ENPP6: variants seen among roughly 807,000 people sequenced by gnomAD.
ENPP6 encodes the protein glycerophosphocholine cholinephosphodiesterase ENPP6.
Under a neutral mutation model 42.0 loss-of-function variants are expected in ENPP6, and 32 were observed. The ratio of observed to expected loss-of-function variants is 0.76; its 90% CI spans 0.58 to 1.02. The LOEUF is 1.02. ENPP6 is among the 50% of genes least tolerant of loss of function. The pLI, the probability that ENPP6 is intolerant of heterozygous loss-of-function variation, is 0.00. For missense variants in ENPP6, 552 were observed against 566.8 expected (o/e 0.97, Z 0.27); for synonymous variants, 213 against 216.0 (o/e 0.99, Z 0.12).
Position 184,122,555 on chromosome 4 carries a change from G to A in ENPP6, c.533+1606C>T, listed in dbSNP as rs73003742. Among the ~76,000 whole-genome samples, 1,449 of 152,244 alleles carry A rather than the reference G, an allele frequency of 9.5e-3. 24 individuals carry two copies. Among genetic ancestry groups the A allele is most frequent in the African/African-American group, 0.032 (1,335 of 41,530 alleles). ...TGCATGCTGGTGTCTCTCAGGACAG[G>A]GAAGTCTGCTTAGACTGGCCGGTGC... On this transcript the variant is annotated intron_variant, in intron 3 of 7. Coordinates refer to ENST00000296741, the MANE Select transcript of ENPP6 (RefSeq NM_153343.4).
chr4:184,143,329 C>T (rs1736853489), intron 2 of ENPP6, among the ~76,000 whole-genome samples: 7 of 152,342 alleles, frequency 4.6e-5, no homozygotes, highest in Middle Eastern at 3.4e-3. Flanking sequence ...CTCATGGTCT[C>T]CCAGCCTTCT....
At chr4:184,193,334 G>A (rs1252818877) in intron 1 of ENPP6, among the ~76,000 whole-genome samples, 1 of 152,172 alleles carries the variant, frequency 6.6e-6, no homozygotes, top group African/African-American at 2.4e-5. Flanking sequence ...CAACATGAAC[G>A]AACCTCAGAA....
chr4:184,112,921 C>A, intron 5 of ENPP6, 112 bp from the exon 6 acceptor site: 1 of 1,210,750 alleles, frequency 8.3e-7, no homozygotes, highest in Non-Finnish European at 1.1e-6. Flanking sequence ...AAGAAATTGC[C>A]AAATACTTGA....
intron 1 of ENPP6, among the ~76,000 whole-genome samples, chr4:184,179,524 T>A (rs1403783218): frequency 6.6e-6 from 1 of 152,226 alleles, no homozygotes; most frequent in African/African-American, 2.4e-5. Context: ...CTGATAGATA[T>A]CTACAGAACT....
intron 6 of ENPP6, among the ~76,000 whole-genome samples, chr4:184,100,091 A>C (rs1395112438): frequency 6.6e-6 from 1 of 152,270 alleles, no homozygotes; most frequent in East Asian, 1.9e-4. Context: ...GGATCTTTCT[A>C]GTCGTAGGTA....
chr4:184,091,353 T>G lies in ENPP6; in HGVS notation c.1147A>C (p.Ile383Leu). The G allele has an allele frequency of 1.2e-6, 2 of 1,611,176 alleles. No homozygotes were observed. Among genetic ancestry groups the G allele is most frequent in the Non-Finnish European group, 1.7e-6 (2 of 1,179,124 alleles). The change falls in exon 8 of 8, where the codon ATC becomes CTC. Residue 383 changes from isoleucine to leucine, a missense_variant. Ile to Leu is a conservative substitution (Grantham distance 5). Transcript: ENST00000296741. The part of the protein sequence containing the change: ...DFKSNFRAAP[I>L]RSVDVYNVMC... The stretch of plus-strand genomic sequence containing the variant: ...ACATTGTAGACGTCCACCGACCTGA[T>G]AGGAGCAGCTCTGAAGTTGGATTTG...
At chr4:184,131,253 TCTTTC>T (rs1736622339) in intron 2 of ENPP6, among the ~76,000 whole-genome samples, 1 of 21,060 alleles carries the variant, frequency 4.7e-5, no homozygotes, top group South Asian at 1.4e-3. Context: ...TCTTTCTTTC[TCTTTC>T]TCTTCCTTCC....
At chr4:184,102,129 T>C (rs1006526126) in intron 6 of ENPP6, among the ~76,000 whole-genome samples, 2 of 152,164 alleles carry the variant, frequency 1.3e-5, no homozygotes, top group African/African-American at 4.8e-5. Context: ...GAAAAGAAAA[T>C]GCAACATTTG....
intron 5 of ENPP6, 123 bp downstream of exon 5, chr4:184,116,733 C>CA (rs1736319593): frequency 5.1e-6 from 7 of 1,368,688 alleles, no homozygotes; most frequent in Middle Eastern, 5.4e-4. Flanking sequence ...AACTCTGCCT[C>CA]AAAAAAAGAA....
intron 3 of ENPP6, among the ~76,000 whole-genome samples, chr4:184,118,248 T>C (rs974502208): frequency 6.6e-5 from 10 of 152,240 alleles, no homozygotes; most frequent in African/African-American, 2.4e-4. Context: ...TCACACAGTA[T>C]GGCATCTGTT....
At chr4:184,138,177 C>T (rs1338264406) in intron 2 of ENPP6, among the ~76,000 whole-genome samples, 1 of 152,150 alleles carries the variant, frequency 6.6e-6, no homozygotes, top group Non-Finnish European at 1.5e-5. Context: ...TGACTGATTT[C>T]TAGAATGAGA....
At chr4:184,120,409 T>G (rs758921624) in intron 3 of ENPP6, among the ~76,000 whole-genome samples, 44 of 152,196 alleles carry the variant, frequency 2.9e-4, no homozygotes, top group Non-Finnish European at 5.9e-4. Context: ...CCTATGGCTG[T>G]GCCCACTGTT....
intron 2 of ENPP6, among the ~76,000 whole-genome samples, chr4:184,147,565 G>A (rs925267253): frequency 1.3e-5 from 2 of 152,162 alleles, no homozygotes; most frequent in African/African-American, 4.8e-5. Context: ...AGGATTGCTT[G>A]AGTACGGGAT....
chr4:184,174,013 A>G (rs1737520371), intron 1 of ENPP6, among the ~76,000 whole-genome samples: 1 of 152,196 alleles, frequency 6.6e-6, no homozygotes. Flanking sequence ...AGAGGGTCTC[A>G]GACTCTAGAG....
At chr4:184,153,896 C>G (rs1407810976) in intron 1 of ENPP6, among the ~76,000 whole-genome samples, 163 bp from the exon 2 acceptor site, 1 of 151,646 alleles carries the variant, frequency 6.6e-6, no homozygotes, top group Non-Finnish European at 1.5e-5. Context: ...TTTTCTTAAG[C>G]TGTGCCATGA....
At chr4:184,114,795 A>T (rs895763354) in intron 5 of ENPP6, among the ~76,000 whole-genome samples, 4 of 151,996 alleles carry the variant, frequency 2.6e-5, no homozygotes, top group Admixed American at 2.6e-4. Context: ...AAAAGAAAAA[A>T]CCCAGAATGT....
intron 1 of ENPP6, among the ~76,000 whole-genome samples, chr4:184,188,260 A>T (rs1451619652): frequency 6.6e-6 from 1 of 152,184 alleles, no homozygotes; most frequent in Non-Finnish European, 1.5e-5. Context: ...AGCCTTTCCC[A>T]GTCGTTTCTC....
At chr4:184,174,484 A>G (rs1458838769) in intron 1 of ENPP6, among the ~76,000 whole-genome samples, 1 of 152,220 alleles carries the variant, frequency 6.6e-6, no homozygotes, top group African/African-American at 2.4e-5. Flanking sequence ...CAGCCTTGTA[A>G]GAATGGAAAC....
intron 1 of ENPP6, among the ~76,000 whole-genome samples, chr4:184,157,551 T>G (rs1030993891): frequency 6.7e-6 from 1 of 148,950 alleles, no homozygotes; most frequent in African/African-American, 2.5e-5. Context: ...TTTCTTTCCT[T>G]TCTCTCTTTC....
Sources: allele counts gnomAD v4.1 joint callset (sites outside exome capture counted in the v4.1 genomes callset), GRCh38; gene constraint gnomAD v4.1.1; transcripts MANE v1.5; gene names NCBI Gene and HGNC (gene_info 2026-07-23, HGNC 2026-07-21).